Variants in TCF12 observed in about 807,000 individuals in gnomAD.
The protein encoded by TCF12 is DNA-binding protein HTF4.
TCF12 carries 45 observed loss-of-function variants against 86.0 expected under a neutral mutation model. The observed-to-expected ratio is 0.52, with a 90% CI of 0.41 to 0.67. The LOEUF (loss-of-function observed/expected upper bound fraction) is 0.67, where lower values mean the gene tolerates loss of function less well. Ranked by LOEUF, TCF12 falls within the 30% of genes least tolerant of loss-of-function variation. The probability of loss-of-function intolerance (pLI) is 0.00; values close to 1 mark genes in which losing one functional copy is unlikely to be tolerated. For missense variants in TCF12, 881 were observed against 859.9 expected (o/e 1.02, Z -0.31); for synonymous variants, 330 against 299.6 (o/e 1.10, Z -1.05).
In TCF12 at chr15:57,120,341, C is replaced by G. The variant is rs544096306; in HGVS notation, c.325+28450C>G. Among the ~76,000 whole-genome samples, 8 of 152,268 alleles carry G rather than the reference C, an allele frequency of 5.3e-5. No homozygotes were observed. The East Asian group carries it at 1.3e-3, about 26-fold the overall frequency. On this transcript the variant is annotated intron_variant, in intron 5 of 20. Transcript: ENST00000333725. ...GAAATTTGCTGTTTGTGTACACTTG[C>G]TTTTAGGTTGGAGTTTTCTTGAAGA...
At chr15:57,185,635 C>T (rs2056624424) in intron 6 of TCF12, among the ~76,000 whole-genome samples, 1 of 152,160 alleles carries the variant, frequency 6.6e-6, no homozygotes, top group African/African-American at 2.4e-5. Context: ...ACCTTAATTC[C>T]AGCACTTTGA....
chr15:56,931,139 A>G (rs2060230594), intron 3 of TCF12, among the ~76,000 whole-genome samples: 8 of 150,566 alleles, frequency 5.3e-5, no homozygotes, highest in Admixed American at 5.3e-4. Flanking sequence ...AAAAGTCTCA[A>G]CTAGAGACTT....
chr15:57,138,828 A>G (rs537246173), intron 5 of TCF12, among the ~76,000 whole-genome samples: 5 of 152,266 alleles, frequency 3.3e-5, no homozygotes, highest in African/African-American at 9.6e-5. Flanking sequence ...CGTGCTACCA[A>G]TTGATGTTTT....
At chr15:57,256,363 A>T (rs1223489204) in intron 16 of TCF12, among the ~76,000 whole-genome samples, 1 of 152,036 alleles carries the variant, frequency 6.6e-6, no homozygotes, top group South Asian at 2.1e-4. Flanking sequence ...GCACCCACCT[A>T]TATGGAATCA....
chr15:57,222,316 C>T, intron 8 of TCF12, among the ~76,000 whole-genome samples: 1 of 150,816 alleles, frequency 6.6e-6, no homozygotes, highest in East Asian at 1.9e-4. Context: ...TAGGAAGAGA[C>T]CAAAGAACTT....
At chr15:56,955,797 G>C (rs1188329578) in intron 3 of TCF12, among the ~76,000 whole-genome samples, 12 of 152,004 alleles carry the variant, frequency 7.9e-5, no homozygotes, top group African/African-American at 2.7e-4. Context: ...TTTATTTTCT[G>C]TTTTGGAGAT....
chr15:57,099,353 A>G (rs1468509778), intron 5 of TCF12, among the ~76,000 whole-genome samples: 1 of 152,196 alleles, frequency 6.6e-6, no homozygotes, highest in Admixed American at 6.5e-5. Flanking sequence ...GTATGGACTC[A>G]GATCCCTCTT....
intron 3 of TCF12, 127 bp downstream of exon 3, chr15:56,921,225 G>A (rs2059776913): frequency 3.8e-6 from 2 of 523,370 alleles, no homozygotes; most frequent in South Asian, 8.8e-5. Flanking sequence ...TGAGTCAAGT[G>A]ATAATTAGTA....
intron 5 of TCF12, among the ~76,000 whole-genome samples, chr15:57,136,862 G>C (rs1202877186): frequency 1.3e-5 from 2 of 150,712 alleles, no homozygotes; most frequent in East Asian, 3.9e-4. Flanking sequence ...TGTCGCCCAG[G>C]CTGGTCTTGA....
chr15:57,112,434 C>CT (rs2050555386), intron 5 of TCF12, among the ~76,000 whole-genome samples: 1 of 152,168 alleles, frequency 6.6e-6, no homozygotes, highest in Non-Finnish European at 1.5e-5. Flanking sequence ...CCTCAGCTGT[C>CT]TAACTGTGAC....
intron 3 of TCF12, among the ~76,000 whole-genome samples, chr15:56,949,139 A>G (rs1359375339): frequency 6.6e-6 from 1 of 152,210 alleles, no homozygotes; most frequent in Non-Finnish European, 1.5e-5. Flanking sequence ...ATTGTTTTAA[A>G]TGTTTATGTT....
intron 13 of TCF12, among the ~76,000 whole-genome samples, chr15:57,248,733 G>GT (rs1787882809): frequency 1.3e-5 from 2 of 152,174 alleles, no homozygotes; most frequent in African/African-American, 4.8e-5. Flanking sequence ...AACAAAATAA[G>GT]TTTAAGTGTA....
At chr15:57,013,962 A>T in intron 3 of TCF12, among the ~76,000 whole-genome samples, 1 of 152,138 alleles carries the variant, frequency 6.6e-6, no homozygotes, top group East Asian at 1.9e-4. Flanking sequence ...CTAAGGTGCA[A>T]GATGTTGGTG....
intron 3 of TCF12, among the ~76,000 whole-genome samples, chr15:56,927,269 C>A (rs2060055258): frequency 6.6e-6 from 1 of 152,020 alleles, no homozygotes; most frequent in African/African-American, 2.4e-5. Context: ...AAAAAGAAGA[C>A]CGTCTTTTTT....
intron 4 of TCF12, among the ~76,000 whole-genome samples, chr15:57,091,393 A>G (rs1198369331): frequency 5.3e-5 from 8 of 152,218 alleles, no homozygotes; most frequent in Admixed American, 3.9e-4. Flanking sequence ...ACTGAGAAAT[A>G]TATTTTCTTA....
At chr15:56,941,624 C>T (rs1452897855) in intron 3 of TCF12, among the ~76,000 whole-genome samples, 1 of 151,586 alleles carries the variant, frequency 6.6e-6, no homozygotes, top group African/African-American at 2.4e-5. Flanking sequence ...ATCCGCCTTC[C>T]TCGGCCTCCC....
At chr15:57,203,492 T>G (rs1245142811) in intron 8 of TCF12, among the ~76,000 whole-genome samples, 1 of 152,208 alleles carries the variant, frequency 6.6e-6, no homozygotes, top group Non-Finnish European at 1.5e-5. Context: ...TTGAAATCCC[T>G]TCCTAGACCC....
At chr15:56,997,487 A>G (rs917255750) in intron 3 of TCF12, among the ~76,000 whole-genome samples, 1 of 152,166 alleles carries the variant, frequency 6.6e-6, no homozygotes. Flanking sequence ...AAGGGAAAGG[A>G]GTAAGGGTTG....
At chr15:56,962,101 C>G (rs903008536) in intron 3 of TCF12, among the ~76,000 whole-genome samples, 6 of 146,198 alleles carry the variant, frequency 4.1e-5, no homozygotes, top group African/African-American at 1.5e-4. Context: ...CCACTGTACT[C>G]CAGCCTGGGT....
Sources: allele counts gnomAD v4.1 joint callset (sites outside exome capture counted in the v4.1 genomes callset), GRCh38; gene constraint gnomAD v4.1.1; transcripts MANE v1.5; gene names NCBI Gene and HGNC (gene_info 2026-07-23, HGNC 2026-07-21).